The following NDRG2 variants were observed in gnomAD, a reference collection of about 807,000 sequenced individuals.
NDRG2 encodes protein NDRG2.
NDRG2 carries 34 observed loss-of-function variants against 58.2 expected under a neutral mutation model. The ratio of observed to expected loss-of-function variants is 0.58; its 90% CI spans 0.44 to 0.78. NDRG2 has a LOEUF of 0.78. NDRG2 is among the 30% of genes least tolerant of loss of function. The pLI, the probability that NDRG2 is intolerant of heterozygous loss-of-function variation, is 0.00. For synonymous variants in NDRG2, 187 were observed against 175.9 expected (o/e 1.06, Z -0.50); for missense variants, 434 against 471.2 (o/e 0.92, Z 0.73).
At chr14:21,019,371 C>G (rs540828361) in intron 10 of NDRG2, among the ~76,000 whole-genome samples, 1 of 152,248 alleles carries the variant, frequency 6.6e-6, no homozygotes, top group South Asian at 2.1e-4. Context: ...CAGAGGGCAA[C>G]AAAAGGGGAG....
chr14:21,052,373 T>C (rs1885504395), intron 1 of NDRG2, among the ~76,000 whole-genome samples: 1 of 152,198 alleles, frequency 6.6e-6, no homozygotes. Flanking sequence ...TGAGTGATAC[T>C]ATGAAACAGT....
chr14:21,039,193 C>T (rs1024913346), intron 1 of NDRG2, among the ~76,000 whole-genome samples: 13 of 152,128 alleles, frequency 8.5e-5, no homozygotes, highest in East Asian at 5.8e-4. Context: ...CCAGCACAGG[C>T]GAGAGGAAGC....
intron 1 of NDRG2, among the ~76,000 whole-genome samples, chr14:21,054,542 G>T (rs1885596049): frequency 6.6e-6 from 1 of 152,170 alleles, no homozygotes; most frequent in African/African-American, 2.4e-5. Flanking sequence ...CCAGCCCTGG[G>T]CTCCTGCTGC....
intron 1 of NDRG2, among the ~76,000 whole-genome samples, chr14:21,039,150 G>A (rs528050947): frequency 6.6e-6 from 1 of 152,258 alleles, no homozygotes; most frequent in Middle Eastern, 3.4e-3. Flanking sequence ...TCCAGGCCCG[G>A]CCCTCCTCTC....
rs1879761933 is a variant in NDRG2 at position 21,020,830 on chromosome 14, A to G, written c.422T>C (p.Ile141Thr). Residue 141 changes from isoleucine to threonine, a missense_variant, in exon 7 of 16, where the codon ATT becomes ACT. Ile to Thr is a moderately conservative substitution (Grantham distance 89, BLOSUM62 -1). Coordinates refer to ENST00000556147, the MANE Select transcript of NDRG2 (RefSeq NM_001320329.2). ...GGCTCCAGCTCCAACACCAACTCCA[A>G]TTATTGTAGAGAAACTGTGAAAGGG... ...VLQYLNFSTI[I>T]GVGVGAGAYI... 2.5e-6 allele frequency: 4 copies of G among 1,613,328 alleles called. No individual in the cohort carries two copies. The highest frequency in any genetic ancestry group is 2.2e-5 in the East Asian group (1 of 44,884).
At chr14:21,030,559 C>T (rs759499485), upstream of NDRG2, 1 of 1,610,270 alleles carries the variant, frequency 6.2e-7, no homozygotes, top group South Asian at 1.1e-5. Context: ...CCCACGACTG[C>T]CCTCCCCGAC....
intron 1 of NDRG2, among the ~76,000 whole-genome samples, chr14:21,038,833 C>A (rs1884768438): frequency 1.3e-5 from 2 of 152,122 alleles, no homozygotes; most frequent in Non-Finnish European, 2.9e-5. Flanking sequence ...GGTCTGGGAG[C>A]CAAGGATTCC....
intron 1 of NDRG2, among the ~76,000 whole-genome samples, chr14:21,040,616 A>G (rs561638325): frequency 1.3e-5 from 2 of 152,258 alleles, no homozygotes; most frequent in African/African-American, 2.4e-5. Flanking sequence ...AGTCTTCCCA[A>G]TGACCTGGTC....
At chr14:21,059,580 G>A (rs959688754) in intron 1 of NDRG2, among the ~76,000 whole-genome samples, 3 of 151,822 alleles carry the variant, frequency 2.0e-5, no homozygotes, top group East Asian at 1.9e-4. Context: ...CTGCAGTCTC[G>A]ACATCCTGGG....
intron 5 of NDRG2, 78 bp from the exon 6 acceptor site, chr14:21,021,957 T>C (rs900237078): frequency 2.6e-5 from 42 of 1,611,498 alleles, no homozygotes; most frequent in Non-Finnish European, 3.5e-5. Context: ...ACTCATTCTC[T>C]CCCAGAATAA....
At chr14:21,035,917 C>A in intron 1 of NDRG2, 1 of 441,978 alleles carries the variant, frequency 2.3e-6, no homozygotes. Flanking sequence ...TGAAACAGAC[C>A]AGGAATTGAA....
At chr14:21,053,293 G>A (rs919344252) in intron 1 of NDRG2, among the ~76,000 whole-genome samples, 15 of 152,092 alleles carry the variant, frequency 9.9e-5, no homozygotes, top group African/African-American at 3.6e-4. Flanking sequence ...GACCAGTGCT[G>A]GCAACGTGGC....
At chr14:21,044,717 A>G (rs538022809) in intron 1 of NDRG2, among the ~76,000 whole-genome samples, 8 of 152,294 alleles carry the variant, frequency 5.3e-5, no homozygotes, top group African/African-American at 1.7e-4. Flanking sequence ...GACCAGCACC[A>G]TCCCCTTCTT....
intron 1 of NDRG2, 98 bp from the exon 2 acceptor site, chr14:21,023,419 A>G: frequency 9.0e-7 from 1 of 1,113,722 alleles, no homozygotes; most frequent in Non-Finnish European, 1.3e-6. Flanking sequence ...GATGCAGGGA[A>G]CAGAGGGACC....
At chr14:21,052,603 C>T (rs181832926) in intron 1 of NDRG2, among the ~76,000 whole-genome samples, 44 of 152,112 alleles carry the variant, frequency 2.9e-4, no homozygotes, top group Non-Finnish European at 5.0e-4. Flanking sequence ...AGTTTGTGTT[C>T]GGAGGGAAGA....
intron 1 of NDRG2, among the ~76,000 whole-genome samples, chr14:21,067,980 CTTTTTTTTTTTTTTTTT>C (rs1171332473): frequency 4.5e-5 from 1 of 22,262 alleles, no homozygotes; most frequent in African/African-American, 1.1e-4. Context: ...AGTGGCTCCC[CTTTTTTTTTTTTTTTTT>C]TTTTTTTTTT....
intron 1 of NDRG2, among the ~76,000 whole-genome samples, chr14:21,067,980 CTTTTTTTTTTTTTTTTTTTT>C (rs1171332473): frequency 4.5e-5 from 1 of 22,262 alleles, no homozygotes; most frequent in African/African-American, 1.1e-4. Flanking sequence ...AGTGGCTCCC[CTTTTTTTTTTTTTTTTTTTT>C]TTTTTTTTTT....
chr14:21,025,484 A>G (rs994350065), upstream of NDRG2: 5 of 984,930 alleles, frequency 5.1e-6, no homozygotes, highest in South Asian at 2.4e-4. This position sits in a 1 kb window ranked among gnomAD's most constrained non-coding sequence, Gnocchi z 5.1. Context: ...GGATACTGAC[A>G]CCCCACGAGT....
upstream of NDRG2, chr14:21,025,802 A>T: frequency 1.5e-3 from 515 of 344,156 alleles, no homozygotes; most frequent in Middle Eastern, 3.1e-3. This position sits in a 1 kb window ranked among gnomAD's most constrained non-coding sequence, Gnocchi z 5.1. Flanking sequence ...GATCGCGGGC[A>T]GGCGGGGGGT....
Sources: allele counts gnomAD v4.1 joint callset (sites outside exome capture counted in the v4.1 genomes callset), GRCh38; gene constraint gnomAD v4.1.1; non-coding constraint Gnocchi (gnomAD v3.1); transcripts MANE v1.5; gene names NCBI Gene and HGNC (gene_info 2026-07-23, HGNC 2026-07-21).